NDE1: variants seen among roughly 807,000 people sequenced by gnomAD.
NDE1 encodes the protein nudE neurodevelopment protein 1.
Under a neutral mutation model 43.4 loss-of-function variants are expected in NDE1, and 28 were observed. That is an observed-to-expected ratio of 0.65 (90% confidence interval 0.48 to 0.89). The LOEUF is 0.89. Among genes scored for constraint, NDE1 ranks in the 40% least tolerant of loss-of-function variants. The probability of loss-of-function intolerance (pLI) is 0.00; values close to 1 mark genes in which losing one functional copy is unlikely to be tolerated. For synonymous variants in NDE1, 184 were observed against 172.0 expected (o/e 1.07, Z -0.55); for missense variants, 441 against 434.1 (o/e 1.02, Z -0.14).
At chr16:15,717,038 A>G (rs1398231871) in intron 8 of NDE1, 42 of 1,293,336 alleles carry the variant, frequency 3.2e-5, no homozygotes, top group Non-Finnish European at 4.7e-5. Flanking sequence ...CTTGCTTCTT[A>G]CAAGCCAGAA....
At chr16:15,653,002 T>C (rs1330073822) in intron 1 of NDE1, among the ~76,000 whole-genome samples, 1 of 152,130 alleles carries the variant, frequency 6.6e-6, no homozygotes, top group Non-Finnish European at 1.5e-5. Context: ...ATGCTTACTG[T>C]ATATATGTGT....
chr16:15,687,138 T>C, intron 4 of NDE1: 1 of 1,406,292 alleles, frequency 7.1e-7, no homozygotes, highest in Non-Finnish European at 9.3e-7. Context: ...GGGCAGCATC[T>C]TATTTAATCC....
chr16:15,689,289 A>C (rs1382004557), intron 5 of NDE1, among the ~76,000 whole-genome samples: 1 of 152,184 alleles, frequency 6.6e-6, no homozygotes, highest in Non-Finnish European at 1.5e-5. Context: ...TAGGAGTTCA[A>C]GATGAGCCTG....
In NDE1 at chr16:15,726,051, C is replaced by CT. The variant is rs776948452; in HGVS notation, c.*1801dup. The CT allele has an allele frequency of 9.6e-6, 2 of 209,350 alleles. No individual in the cohort carries two copies. Among genetic ancestry groups the CT allele is most frequent in the Non-Finnish European group, 1.9e-5 (2 of 105,978 alleles). 13.0% of individuals were successfully genotyped at this position (209,350 alleles called of 1,614,324 possible). A position where few individuals can be genotyped will look rare whatever the true frequency, so the allele number is the denominator to read the frequency against. The stretch of plus-strand genomic sequence containing the variant: ...ACTTACCACAGGGCCTTTGCACACG[C>CT]TGTTCCCTCTGCCTGGTAGACTTAT... On this transcript the variant is annotated 3_prime_UTR_variant, in exon 9 of 9. Transcript: ENST00000396354.
At position 15,703,472 on chromosome 16, in the gene NDE1, A is replaced by G. The variant is rs886051732; in HGVS notation, c.947+6612A>G. The G allele has an allele frequency of 4.1e-6, 1 of 241,528 alleles. No individual in the cohort carries two copies. The highest frequency in any genetic ancestry group is 5.9e-5 in the East Asian group (1 of 17,068). 15.0% of individuals were successfully genotyped at this position (241,528 alleles called of 1,614,324 possible). On this transcript the variant is annotated intron_variant, in intron 8 of 8. Transcript: ENST00000396354. ...CGTGGATATGTTTTTCTAAAAACTC[A>G]GTGTCTGCACAATCCATTGATAGAA...
At chr16:15,666,337 G>A (rs1596563066) in intron 2 of NDE1, among the ~76,000 whole-genome samples, 2 of 151,864 alleles carry the variant, frequency 1.3e-5, no homozygotes, top group African/African-American at 4.8e-5. Flanking sequence ...ATTATTTTAG[G>A]TCCAGGCACA....
At chr16:15,671,320 A>G (rs2037579992) in intron 3 of NDE1, among the ~76,000 whole-genome samples, 1 of 152,038 alleles carries the variant, frequency 6.6e-6, no homozygotes, top group Non-Finnish European at 1.5e-5. Context: ...CCTGGGCAAC[A>G]TAGCGAGACT....
chr16:15,662,491 G>A (rs948865667), intron 1 of NDE1, among the ~76,000 whole-genome samples: 2 of 150,728 alleles, frequency 1.3e-5, no homozygotes, highest in Non-Finnish European at 3.0e-5. Flanking sequence ...CACCGTGTTA[G>A]ACAGGATGGT....
In NDE1 at chr16:15,715,202, C is replaced by T. The variant is rs1402672446; in HGVS notation, c.948-8989C>T. 6.2e-7 allele frequency: 1 copy of T among 1,614,066 alleles called. No individual in the cohort carries two copies. The highest frequency in any genetic ancestry group is 8.5e-7 in the Non-Finnish European group (1 of 1,180,024). On this transcript the variant is annotated intron_variant, in intron 8 of 8. Transcript: ENST00000396354. ...TGCTCGGCCATCTTGCGCTCGTCCT[C>T]CACCTGCAGCAAGATTTCCTTCAGC...
chr16:15,722,125 C>T (rs1023089549), intron 8 of NDE1, among the ~76,000 whole-genome samples: 3 of 152,070 alleles, frequency 2.0e-5, no homozygotes, highest in African/African-American at 7.3e-5. Context: ...TCCCAAAGCA[C>T]GGAGATTACA....
chr16:15,696,915 C>T, intron 8 of NDE1, 55 bp downstream of exon 8: 1 of 1,599,086 alleles, frequency 6.3e-7, no homozygotes, highest in Non-Finnish European at 8.5e-7. Flanking sequence ...CTGCCCCAGG[C>T]AAGAGACACT....
chr16:15,695,734 T>A, intron 7 of NDE1: 1 of 983,788 alleles, frequency 1.0e-6, no homozygotes, highest in Non-Finnish European at 1.2e-6. Context: ...TTTCTTTTGT[T>A]TTTACTTCTG....
intron 1 of NDE1, among the ~76,000 whole-genome samples, chr16:15,651,308 G>A (rs2151388046): frequency 6.6e-6 from 1 of 152,086 alleles, no homozygotes; most frequent in East Asian, 1.9e-4. Flanking sequence ...GTGTATTCTA[G>A]CATAGGATGG....
At chr16:15,657,570 A>AT (rs1442286949) in intron 1 of NDE1, among the ~76,000 whole-genome samples, 1 of 151,934 alleles carries the variant, frequency 6.6e-6, no homozygotes, top group Non-Finnish European at 1.5e-5. Context: ...TGGCCTTGTT[A>AT]ATGACTGCTA....
chr16:15,685,826 C>T (rs950396576), intron 4 of NDE1, among the ~76,000 whole-genome samples: 1 of 152,018 alleles, frequency 6.6e-6, no homozygotes, highest in Non-Finnish European at 1.5e-5. Flanking sequence ...GTGCTTCTGA[C>T]CACTGTGGGA....
At chr16:15,709,537 ACTC>A (rs2039662562) in intron 8 of NDE1, among the ~76,000 whole-genome samples, 1 of 151,864 alleles carries the variant, frequency 6.6e-6, no homozygotes, top group Admixed American at 6.6e-5. Flanking sequence ...CTGGTCTCGA[ACTC>A]CTGACCTCAA....
At chr16:15,668,235 G>A (rs748947645) in intron 3 of NDE1, among the ~76,000 whole-genome samples, 2 of 152,102 alleles carry the variant, frequency 1.3e-5, no homozygotes, top group African/African-American at 4.8e-5. Context: ...GGTGGTACAC[G>A]CCTATAGTCC....
chr16:15,672,131 C>G (rs530398364), intron 3 of NDE1, among the ~76,000 whole-genome samples: 70 of 152,164 alleles, frequency 4.6e-4, no homozygotes, highest in African/African-American at 1.7e-3. Flanking sequence ...CAGTAATTCT[C>G]TGCTTCAAGA....
chr16:15,705,946 C>T (rs2039424456), intron 8 of NDE1, among the ~76,000 whole-genome samples: 1 of 130,340 alleles, frequency 7.7e-6, no homozygotes, highest in Non-Finnish European at 1.5e-5. Context: ...GATGTGGCCA[C>T]TGCACTCCAG....
Sources: allele counts gnomAD v4.1 joint callset (sites outside exome capture counted in the v4.1 genomes callset), GRCh38; gene constraint gnomAD v4.1.1; transcripts MANE v1.5; gene names NCBI Gene and HGNC (gene_info 2026-07-23, HGNC 2026-07-21).